The following CMIP variants were observed in gnomAD, a reference collection of about 807,000 sequenced individuals.
The protein encoded by CMIP is c-Maf inducing protein.
A neutral mutation model predicts 97.3 loss-of-function variants in CMIP; 13 were observed. That is an observed-to-expected ratio of 0.13 (90% CI 0.09 to 0.21). The LOEUF is 0.21. Among genes scored for constraint, CMIP ranks in the 10% least tolerant of loss-of-function variants. The pLI, the probability that CMIP is intolerant of heterozygous loss-of-function variation, is 1.00. For synonymous variants in CMIP, 538 were observed against 436.3 expected, an observed-to-expected ratio of 1.23 and a Z score of -2.91; for missense variants, 847 against 1,024.9, an observed-to-expected ratio of 0.83 and a Z score of 2.37.
At chr16:81,468,892 G>C (rs1486470866) in intron 1 of CMIP, among the ~76,000 whole-genome samples, 2 of 152,230 alleles carry the variant, frequency 1.3e-5, no homozygotes, top group Non-Finnish European at 2.9e-5. Flanking sequence ...GTGGGCTGGG[G>C]GCTGGTGGAA....
At chr16:81,638,347 C>T (rs1280768586) in intron 3 of CMIP, among the ~76,000 whole-genome samples, 1 of 152,182 alleles carries the variant, frequency 6.6e-6, no homozygotes, top group African/African-American at 2.4e-5. Flanking sequence ...GTTTGCCTCT[C>T]TTAGTGAATG....
intron 1 of CMIP, among the ~76,000 whole-genome samples, chr16:81,468,771 A>C (rs1179801144): frequency 9.9e-5 from 15 of 152,238 alleles, no homozygotes; most frequent in Non-Finnish European, 1.5e-5. Flanking sequence ...GGGTCCGCTC[A>C]GGCCAGGAGG....
chr16:81,689,830 C>T (rs1215965994), intron 10 of CMIP, among the ~76,000 whole-genome samples: 3 of 152,112 alleles, frequency 2.0e-5, no homozygotes, highest in Non-Finnish European at 2.9e-5. Context: ...TTAATTTTTG[C>T]ATAAGGTGTA....
In CMIP at chr16:81,521,157, T is replaced by C. The variant is rs146972920; in HGVS notation, c.300+75616T>C. ...AAAATGGATTGTTCTGGAAGGCTTT[T>C]CTTTGTCACTGCCCGGTCGCCGTGA... On this transcript the variant is annotated intron_variant, in intron 1 of 20. Transcript: ENST00000537098. 1.7e-4 allele frequency among the ~76,000 whole-genome samples: 26 copies of C among 152,340 alleles called. 1 individual carries two copies. The highest frequency in any genetic ancestry group is 6.0e-4 in the African/African-American group (25 of 41,572).
chr16:81,671,747 C>G (rs1298884525), intron 8 of CMIP, among the ~76,000 whole-genome samples: 2 of 152,202 alleles, frequency 1.3e-5, no homozygotes, highest in Non-Finnish European at 2.9e-5. Flanking sequence ...ATCCGGAGTC[C>G]ACAGCCAGGA....
chr16:81,665,096 G>A (rs2151026594), intron 7 of CMIP: 1 of 152,318 alleles, frequency 6.6e-6, no homozygotes, highest in Non-Finnish European at 1.5e-5. Context: ...GAACAGAAAA[G>A]GGACATGAAG....
intron 3 of CMIP, chr16:81,630,415 C>T (rs2092139910): frequency 6.6e-6 from 1 of 152,366 alleles, no homozygotes; most frequent in African/African-American, 2.4e-5. Flanking sequence ...GAGCTCTTCT[C>T]AACATAGCCC....
intron 1 of CMIP, among the ~76,000 whole-genome samples, chr16:81,473,004 G>A (rs748833440): frequency 1.3e-5 from 2 of 152,174 alleles, no homozygotes; most frequent in Non-Finnish European, 2.9e-5. Flanking sequence ...CATCCAGTGG[G>A]CCAAGCTTAC....
Position 81,592,609 on chromosome 16 carries a change from GC to G in CMIP, c.301-14956del, listed in dbSNP as rs112273326. 4.6e-5 allele frequency among the ~76,000 whole-genome samples: 7 copies of G among 152,296 alleles called. 1 individual carries two copies. Among genetic ancestry groups the G allele is most frequent in the African/African-American group, 1.7e-4 (7 of 41,564 alleles). ...ACCCTGCTCATCCTGGGGCTCCCAG[GC>G]CAGTGTCTGGTAGAAGCAAGGCAGG... On this transcript the variant is annotated intron_variant, in intron 1 of 20. Coordinates refer to ENST00000537098, the MANE Select transcript of CMIP (RefSeq NM_198390.3).
intron 1 of CMIP, among the ~76,000 whole-genome samples, chr16:81,528,687 C>T (rs528465962): frequency 1.3e-5 from 2 of 152,274 alleles, no homozygotes; most frequent in Admixed American, 1.3e-4. Context: ...ACAAATGATG[C>T]CCAAGTCTTG....
chr16:81,461,853 G>A lies in CMIP; in HGVS notation c.300+16312G>A, dbSNP rs186651051. On this transcript the variant is annotated intron_variant, in intron 1 of 20. Coordinates refer to ENST00000537098, the MANE Select transcript of CMIP (RefSeq NM_198390.3). ...TGAAATTCCCATCCCTACATCCCAG[G>A]ATTGTGAGAGTAAATGACATGGTAT... Among the ~76,000 whole-genome samples the A allele has an allele frequency of 6.6e-5, 10 of 152,324 alleles. No individual in the cohort carries two copies. The East Asian group carries it at 1.7e-3, about 26-fold the overall frequency.
chr16:81,567,705 C>G (rs536878341), intron 1 of CMIP, among the ~76,000 whole-genome samples: 1 of 152,194 alleles, frequency 6.6e-6, no homozygotes, highest in African/African-American at 2.4e-5. Context: ...CCTCTCCATG[C>G]GCTGCTCCTC....
chr16:81,514,516 C>T (rs2089873832), intron 1 of CMIP, among the ~76,000 whole-genome samples: 1 of 152,216 alleles, frequency 6.6e-6, no homozygotes, highest in Non-Finnish European at 1.5e-5. Flanking sequence ...CTCCATTCTT[C>T]ATCTGCAAAA....
chr16:81,500,185 G>A (rs1303757354), intron 1 of CMIP, among the ~76,000 whole-genome samples: 2 of 152,046 alleles, frequency 1.3e-5, no homozygotes, highest in Non-Finnish European at 2.9e-5. Flanking sequence ...TGAACATGAC[G>A]CCATGGGCTG....
chr16:81,542,499 G>T (rs1460774673), intron 1 of CMIP, among the ~76,000 whole-genome samples: 1 of 152,170 alleles, frequency 6.6e-6, no homozygotes, highest in African/African-American at 2.4e-5. Flanking sequence ...GGGTCTGCAG[G>T]AGTGTGTTTT....
At chr16:81,673,049 T>A (rs185932245) in intron 9 of CMIP, among the ~76,000 whole-genome samples, 146 of 151,520 alleles carry the variant, frequency 9.6e-4, no homozygotes, top group African/African-American at 3.4e-3. Context: ...TAAAACCGAG[T>A]GGTGGGGTAG....
At chr16:81,650,465 G>A (rs915902911) in intron 3 of CMIP, among the ~76,000 whole-genome samples, 3 of 152,250 alleles carry the variant, frequency 2.0e-5, no homozygotes, top group Non-Finnish European at 2.9e-5. Context: ...GAGAGATGAC[G>A]GGAAAGACTT....
intron 1 of CMIP, among the ~76,000 whole-genome samples, chr16:81,533,282 T>C (rs770760365): frequency 2.0e-4 from 30 of 152,220 alleles, no homozygotes; most frequent in Admixed American, 1.8e-3. Context: ...GCCTGGCACC[T>C]GCTAGATGCT....
chr16:81,586,475 T>A (rs140023530), intron 1 of CMIP, among the ~76,000 whole-genome samples: 34 of 152,220 alleles, frequency 2.2e-4, no homozygotes, highest in African/African-American at 7.7e-4. Context: ...TTCACATACA[T>A]TTACCTAGTG....
Sources: allele counts gnomAD v4.1 joint callset (sites outside exome capture counted in the v4.1 genomes callset), GRCh38; gene constraint gnomAD v4.1.1; transcripts MANE v1.5; gene names NCBI Gene and HGNC (gene_info 2026-07-23, HGNC 2026-07-21).